Variants in FGGY observed in about 807,000 individuals in gnomAD.
FGGY encodes FGGY carbohydrate kinase domain-containing protein.
FGGY carries 72 observed loss-of-function variants against 71.3 expected under a neutral mutation model. That is an observed-to-expected ratio of 1.01 (90% CI 0.84 to 1.23). The LOEUF is 1.23. Among genes scored for constraint, FGGY ranks in the 50% most tolerant of loss-of-function variants. The pLI is 0.00. For synonymous variants in FGGY, 251 were observed against 250.3 expected (o/e 1.00, Z -0.02); for missense variants, 668 against 682.3 (o/e 0.98, Z 0.23).
chr1:59,324,064 G>C (rs2046886195), intron 2 of FGGY, among the ~76,000 whole-genome samples: 1 of 152,104 alleles, frequency 6.6e-6, no homozygotes, highest in African/African-American at 2.4e-5. Context: ...GAAGTTGAGA[G>C]CTTCAGAGCA....
chr1:59,593,020 G>T (rs2096474110), intron 8 of FGGY, among the ~76,000 whole-genome samples: 2 of 151,550 alleles, frequency 1.3e-5, no homozygotes, highest in Admixed American at 1.3e-4. Flanking sequence ...GTGTAGAACT[G>T]ATGATGGGGT....
At chr1:59,399,111 G>A (rs1220631513) in intron 5 of FGGY, among the ~76,000 whole-genome samples, 1 of 152,152 alleles carries the variant, frequency 6.6e-6, no homozygotes, top group Non-Finnish European at 1.5e-5. Flanking sequence ...TGTATAGTGG[G>A]CATAATAGTT....
intron 14 of FGGY, among the ~76,000 whole-genome samples, chr1:59,676,773 G>T (rs1156561114): frequency 1.3e-5 from 2 of 152,108 alleles, no homozygotes; most frequent in Non-Finnish European, 2.9e-5. Context: ...GTGTGTGCCT[G>T]TCCTGATCGT....
intron 8 of FGGY, among the ~76,000 whole-genome samples, chr1:59,559,852 CATACTGACATAAATT>C (rs2095757092): frequency 6.6e-6 from 1 of 151,912 alleles, no homozygotes; most frequent in Non-Finnish European, 1.5e-5. Flanking sequence ...TCCATAAGAC[CATACTGACATAAATT>C]ATTTTGAATA....
At chr1:59,735,384 G>A (rs1197219893) in intron 14 of FGGY, among the ~76,000 whole-genome samples, 1 of 152,176 alleles carries the variant, frequency 6.6e-6, no homozygotes, top group African/African-American at 2.4e-5. Flanking sequence ...TACAGCCTGG[G>A]AGTCAGGAGG....
chr1:59,460,314 G>A (rs761262193), intron 6 of FGGY, among the ~76,000 whole-genome samples: 5 of 152,170 alleles, frequency 3.3e-5, no homozygotes, highest in East Asian at 1.9e-4. Flanking sequence ...ACAGCAGTCC[G>A]AGATCGAACT....
intron 6 of FGGY, among the ~76,000 whole-genome samples, chr1:59,495,873 T>C (rs1192753334): frequency 6.6e-6 from 1 of 152,206 alleles, no homozygotes; most frequent in African/African-American, 2.4e-5. Context: ...TCATACTGTT[T>C]TAGTTACTGT....
chr1:59,386,290 A>G (rs1176537551), intron 5 of FGGY, among the ~76,000 whole-genome samples: 3 of 151,846 alleles, frequency 2.0e-5, no homozygotes, highest in African/African-American at 7.3e-5. Flanking sequence ...TTTCTTTTTG[A>G]TACCCTTGAC....
intron 7 of FGGY, among the ~76,000 whole-genome samples, chr1:59,545,462 G>A (rs1276168533): frequency 6.6e-6 from 1 of 152,130 alleles, no homozygotes; most frequent in African/African-American, 2.4e-5. Flanking sequence ...GTCTGAGAAT[G>A]AGAAATTGTC....
intron 7 of FGGY, among the ~76,000 whole-genome samples, chr1:59,537,380 C>T (rs189542096): frequency 5.8e-4 from 88 of 152,300 alleles, no homozygotes; most frequent in African/African-American, 1.2e-3. Flanking sequence ...ATTCCATGCT[C>T]GTGGATAGGA....
chr1:59,439,570 C>A (rs1372209491), intron 5 of FGGY, among the ~76,000 whole-genome samples: 1 of 152,168 alleles, frequency 6.6e-6, no homozygotes, highest in South Asian at 2.1e-4. Flanking sequence ...AGACTGTCAT[C>A]TTTTCCCATT....
intron 6 of FGGY, among the ~76,000 whole-genome samples, chr1:59,488,294 T>A (rs1421542409): frequency 6.6e-6 from 1 of 152,014 alleles, no homozygotes; most frequent in Non-Finnish European, 1.5e-5. Context: ...ATTTTCTGCA[T>A]CTGACAGACT....
chr1:59,321,848 A>T, intron 2 of FGGY, 98 bp downstream of exon 2: 1 of 1,268,180 alleles, frequency 7.9e-7, no homozygotes, highest in South Asian at 1.4e-5. Flanking sequence ...GTAACTTTAG[A>T]TGCAGAGGTA....
intron 14 of FGGY, among the ~76,000 whole-genome samples, chr1:59,749,248 G>T: frequency 6.6e-6 from 1 of 152,070 alleles, no homozygotes; most frequent in Non-Finnish European, 1.5e-5. Context: ...AACTCCATAA[G>T]CCGATTCTAG....
chr1:59,595,391 C>T (rs892852800), intron 8 of FGGY, among the ~76,000 whole-genome samples: 1 of 151,972 alleles, frequency 6.6e-6, no homozygotes, highest in Non-Finnish European at 1.5e-5. Context: ...TGTTACAGAT[C>T]AATAATACAC....
chr1:59,536,894 T>C (rs894057561), intron 7 of FGGY, among the ~76,000 whole-genome samples: 1 of 152,088 alleles, frequency 6.6e-6, no homozygotes, highest in Non-Finnish European at 1.5e-5. Context: ...AATATCATAC[T>C]GAATGGGCAA....
chr1:59,557,274 C>T (rs2095705386), intron 8 of FGGY, among the ~76,000 whole-genome samples: 1 of 152,156 alleles, frequency 6.6e-6, no homozygotes, highest in Non-Finnish European at 1.5e-5. Flanking sequence ...AAGTGGTTTT[C>T]AGCATGATCT....
At chr1:59,730,334 T>G (rs1200000304) in intron 14 of FGGY, among the ~76,000 whole-genome samples, 1 of 149,020 alleles carries the variant, frequency 6.7e-6, no homozygotes, top group Admixed American at 6.8e-5. Context: ...GGAGTAAGGA[T>G]GGGATAAATG....
At chr1:59,406,886 C>T (rs370603742) in intron 5 of FGGY, among the ~76,000 whole-genome samples, 12 of 152,294 alleles carry the variant, frequency 7.9e-5, no homozygotes, top group African/African-American at 1.7e-4. Flanking sequence ...ACATGATACA[C>T]GATTCTGCAA....
Sources: allele counts gnomAD v4.1 joint callset (sites outside exome capture counted in the v4.1 genomes callset), GRCh38; gene constraint gnomAD v4.1.1; transcripts MANE v1.5; gene names NCBI Gene and HGNC (gene_info 2026-07-23, HGNC 2026-07-21).